ARHGAP6: variants seen among roughly 807,000 people sequenced by gnomAD.
ARHGAP6 encodes the protein Rho GTPase activating protein 6, also known as rho GTPase-activating protein 6.
Under a neutral mutation model 55.7 loss-of-function variants are expected in ARHGAP6, and 16 were observed. The observed-to-expected ratio is 0.29, with a 90% CI of 0.19 to 0.44. ARHGAP6 has a LOEUF of 0.44. Among genes scored for constraint, ARHGAP6 ranks in the 20% least tolerant of loss-of-function variants. The pLI is 1.00. For missense variants in ARHGAP6, 698 were observed against 808.9 expected, an observed-to-expected ratio of 0.86 and a Z score of 1.66; for synonymous variants, 382 against 360.9, an observed-to-expected ratio of 1.06 and a Z score of -0.66.
intron 1 of ARHGAP6, among the ~76,000 whole-genome samples, chrX:11,460,008 T>C (rs2050229054): frequency 8.9e-6 from 1 of 112,139 alleles, no homozygotes; most frequent in African/African-American, 3.2e-5. Flanking sequence ...TCCCCTGGTA[T>C]ATACACCTGG....
At chrX:11,469,157 G>A (rs1483762428) in intron 1 of ARHGAP6, among the ~76,000 whole-genome samples, 1 of 112,562 alleles carries the variant, frequency 8.9e-6, no homozygotes, top group African/African-American at 3.2e-5. Context: ...AGCCTGAACT[G>A]GCTAAGACAC....
At chrX:11,453,579 T>C (rs1272352125) in intron 1 of ARHGAP6, among the ~76,000 whole-genome samples, 1 of 110,409 alleles carries the variant, frequency 9.1e-6, no homozygotes, top group Non-Finnish European at 1.9e-5. Context: ...TTCCAAGAAG[T>C]TCAAGTAAAT....
intron 1 of ARHGAP6, among the ~76,000 whole-genome samples, chrX:11,469,903 C>T (rs5935073): frequency 0.11 from 12,614 of 110,593 alleles, 698 homozygotes; most frequent in Admixed American, 0.2. Flanking sequence ...TTCGGTTCCA[C>T]AGTAGAGCCA....
At chrX:11,208,452 T>A (rs1221480279) in intron 2 of ARHGAP6, among the ~76,000 whole-genome samples, 2 of 111,377 alleles carry the variant, frequency 1.8e-5, no homozygotes. Flanking sequence ...ATCTGCACAT[T>A]TTAGGAAGAG....
chrX:11,514,482 G>C (rs2050816619), intron 1 of ARHGAP6, among the ~76,000 whole-genome samples: 1 of 109,702 alleles, frequency 9.1e-6, no homozygotes, highest in East Asian at 2.9e-4. Flanking sequence ...CCTGGCCGTG[G>C]CATCAGCAGA....
chrX:11,364,624 T>C (rs925760783), intron 1 of ARHGAP6, among the ~76,000 whole-genome samples: 6 of 111,876 alleles, frequency 5.4e-5, no homozygotes, highest in African/African-American at 2.0e-4. Context: ...TTGCCAGGAA[T>C]GTTTTAAGAA....
chrX:11,161,731 C>T (rs2147294621), intron 9 of ARHGAP6, among the ~76,000 whole-genome samples: 1 of 112,166 alleles, frequency 8.9e-6, no homozygotes, highest in African/African-American at 3.2e-5. Context: ...ATTTATTCTG[C>T]AGTTATTAGT....
chrX:11,534,733 A>G (rs1171513967), intron 1 of ARHGAP6, among the ~76,000 whole-genome samples: 1 of 111,429 alleles, frequency 9.0e-6, no homozygotes, highest in Non-Finnish European at 1.9e-5. Flanking sequence ...AAACAGGTGA[A>G]ACTGATTTTA....
At chrX:11,173,956 C>T (rs183281882) in intron 8 of ARHGAP6, among the ~76,000 whole-genome samples, 1 of 110,727 alleles carries the variant, frequency 9.0e-6, no homozygotes, top group African/African-American at 3.3e-5. Flanking sequence ...TGTTGCAATC[C>T]CCCCAAACAA....
chrX:11,625,457 C>T (rs1001530275), intron 1 of ARHGAP6, among the ~76,000 whole-genome samples: 4 of 110,988 alleles, frequency 3.6e-5, no homozygotes, highest in African/African-American at 1.3e-4. Context: ...AAATACTTCA[C>T]GTTCTCACTC....
chrX:11,364,789 G>A (rs2049054957), intron 1 of ARHGAP6, among the ~76,000 whole-genome samples: 1 of 111,301 alleles, frequency 9.0e-6, no homozygotes, highest in Middle Eastern at 4.7e-3. Flanking sequence ...GCAACAGGGG[G>A]CACCCTGTTC....
At chrX:11,561,564 C>T (rs893715051) in intron 1 of ARHGAP6, among the ~76,000 whole-genome samples, 1 of 111,755 alleles carries the variant, frequency 8.9e-6, no homozygotes, top group South Asian at 3.8e-4. Context: ...TGTTTAAGAC[C>T]ATTTGAATTT....
chrX:11,506,674 A>G (rs987796773), intron 1 of ARHGAP6, among the ~76,000 whole-genome samples: 2 of 111,625 alleles, frequency 1.8e-5, no homozygotes, highest in East Asian at 5.6e-4. Context: ...AGTCTTTGCT[A>G]TTGTGAATAG....
chrX:11,486,730 T>C lies in ARHGAP6; in HGVS notation c.588+177511A>G, dbSNP rs774424134. Among the ~76,000 whole-genome samples, 278 of 111,499 alleles carry C rather than the reference T, an allele frequency of 2.5e-3. 1 individual carries two copies. Among genetic ancestry groups the C allele is most frequent in the Admixed American group, 0.014 (144 of 10,540 alleles). ...TCTGTTGCTGGGGATCAAGCCCAAGTGGCATGAAGAGGGCATCCACACAGG... is the reference window on the plus strand; with the variant it reads ...TCTGTTGCTGGGGATCAAGCCCAAGCGGCATGAAGAGGGCATCCACACAGG... On this transcript the variant is annotated intron_variant, in intron 1 of 12. Coordinates refer to ENST00000337414, the MANE Select transcript of ARHGAP6 (RefSeq NM_013427.3).
At chrX:11,294,533 A>G (rs1195027306) in intron 1 of ARHGAP6, among the ~76,000 whole-genome samples, 1 of 112,022 alleles carries the variant, frequency 8.9e-6, no homozygotes, top group Non-Finnish European at 1.9e-5. Context: ...TAGATCATTC[A>G]TGTCCCTGTA....
chrX:11,232,160 C>G (rs2047139399), intron 2 of ARHGAP6, among the ~76,000 whole-genome samples: 1 of 111,621 alleles, frequency 9.0e-6, no homozygotes, highest in Non-Finnish European at 1.9e-5. Context: ...TTCGAGTGTG[C>G]TATTGAACCC....
At chrX:11,161,035 T>C (rs936306496) in intron 9 of ARHGAP6, among the ~76,000 whole-genome samples, 1 of 112,542 alleles carries the variant, frequency 8.9e-6, no homozygotes, top group Non-Finnish European at 1.9e-5. Flanking sequence ...AGCTTCAAAA[T>C]GTATGTGATT....
At chrX:11,154,368 A>C (rs2045834326) in intron 10 of ARHGAP6, among the ~76,000 whole-genome samples, 1 of 112,278 alleles carries the variant, frequency 8.9e-6, no homozygotes, top group Non-Finnish European at 1.9e-5. Context: ...ACAATTGTAC[A>C]GCTTGGAATG....
At chrX:11,564,460 A>G (rs938883855) in intron 1 of ARHGAP6, among the ~76,000 whole-genome samples, 3 of 110,943 alleles carry the variant, frequency 2.7e-5, no homozygotes, top group African/African-American at 9.8e-5. Context: ...GACTTATCCA[A>G]CAGAACTTTT....
Sources: allele counts gnomAD v4.1 joint callset (sites outside exome capture counted in the v4.1 genomes callset), GRCh38; gene constraint gnomAD v4.1.1; transcripts MANE v1.5; gene names NCBI Gene and HGNC (gene_info 2026-07-23, HGNC 2026-07-21).